Variants in WWOX observed in about 807,000 individuals in gnomAD.
WWOX encodes the protein WW domain-containing oxidoreductase.
WWOX carries 69 observed loss-of-function variants against 46.2 expected under a neutral mutation model. The ratio of observed to expected loss-of-function variants is 1.49; its 90% CI spans 1.23 to 1.82. The LOEUF is 1.82. WWOX is among the 40% of genes most tolerant of loss of function. The probability of loss-of-function intolerance (pLI) is 0.00; values close to 1 mark genes in which losing one functional copy is unlikely to be tolerated. For missense variants in WWOX, 919 were observed against 542.6 expected, an observed-to-expected ratio of 1.69 and a Z score of -6.89; for synonymous variants, 359 against 202.6, an observed-to-expected ratio of 1.77 and a Z score of -6.56.
intron 6 of WWOX, among the ~76,000 whole-genome samples, chr16:78,401,344 G>C (rs1316943340): frequency 6.6e-6 from 1 of 152,170 alleles, no homozygotes; most frequent in Non-Finnish European, 1.5e-5. Flanking sequence ...ATTTCTTAAA[G>C]TAGCTAAAAT....
chr16:78,632,501 A>T (rs1597373818), intron 8 of WWOX, among the ~76,000 whole-genome samples: 2 of 147,330 alleles, frequency 1.4e-5, no homozygotes, highest in South Asian at 4.3e-4. Context: ...TGTTGATAGA[A>T]CCCCTTAGTG....
At chr16:79,190,091 C>T (rs1023819249) in intron 8 of WWOX, among the ~76,000 whole-genome samples, 1 of 151,594 alleles carries the variant, frequency 6.6e-6, no homozygotes, top group Admixed American at 6.6e-5. Flanking sequence ...GCGGTGTGAT[C>T]TCGGCTCACT....
At chr16:78,991,484 C>A (rs2046885435) in intron 8 of WWOX, among the ~76,000 whole-genome samples, 1 of 151,318 alleles carries the variant, frequency 6.6e-6, no homozygotes, top group South Asian at 2.1e-4. Flanking sequence ...ACCTGTAGTC[C>A]CAGCTACTCA....
intron 8 of WWOX, among the ~76,000 whole-genome samples, chr16:78,683,229 A>T (rs772268681): frequency 1.3e-5 from 2 of 152,042 alleles, no homozygotes; most frequent in Non-Finnish European, 2.9e-5. Flanking sequence ...AGAGACAAGG[A>T]GGTGGGCGCG....
chr16:78,889,551 G>T (rs568228378), intron 8 of WWOX, among the ~76,000 whole-genome samples: 97 of 152,206 alleles, frequency 6.4e-4, no homozygotes, highest in African/African-American at 2.2e-3. Context: ...GTATTGGCCT[G>T]TGTCCACTGG....
intron 5 of WWOX, among the ~76,000 whole-genome samples, chr16:78,184,341 G>C (rs1276851828): frequency 6.6e-6 from 1 of 152,064 alleles, no homozygotes. Context: ...CGATTCGCTT[G>C]GTGTTTTCTC....
At chr16:78,596,911 C>A (rs774131803) in intron 8 of WWOX, among the ~76,000 whole-genome samples, 3 of 152,196 alleles carry the variant, frequency 2.0e-5, no homozygotes, top group Admixed American at 6.5e-5. Context: ...GCAAGCCCCA[C>A]ACTCTCTTGA....
intron 4 of WWOX, among the ~76,000 whole-genome samples, chr16:78,151,437 T>C (rs868509782): frequency 1.2e-4 from 19 of 152,170 alleles, no homozygotes; most frequent in Admixed American, 1.2e-3. Flanking sequence ...AATGACACTT[T>C]ATAGGGTTTC....
rs143345622 is a variant in WWOX, at chr16:78,905,009, C to A, written c.1057-306599C>A. Reference sequence around the variant, plus strand: ...ACCTCATCCTATAGTGTTATTATAACTACAGAAAATATATTTTCATTCCTT... The same window carrying A: ...ACCTCATCCTATAGTGTTATTATAAATACAGAAAATATATTTTCATTCCTT... On this transcript the variant is annotated intron_variant, in intron 8 of 8. Coordinates refer to ENST00000566780, the MANE Select transcript of WWOX (RefSeq NM_016373.4). 3.3e-5 allele frequency among the ~76,000 whole-genome samples: 5 copies of A among 152,290 alleles called. No individual in the cohort carries two copies. In the South Asian group the frequency reaches 1.0e-3, roughly 32 times the overall value.
intron 4 of WWOX, among the ~76,000 whole-genome samples, chr16:78,136,300 CAAGG>C (rs1319375532): frequency 6.6e-6 from 1 of 152,166 alleles, no homozygotes; most frequent in African/African-American, 2.4e-5. Context: ...TACAGTGAAA[CAAGG>C]AAGAACGTGT....
intron 8 of WWOX, among the ~76,000 whole-genome samples, chr16:79,155,944 G>A (rs1055501887): frequency 1.6e-4 from 25 of 151,808 alleles, no homozygotes; most frequent in Admixed American, 4.6e-4. Flanking sequence ...TCTAAACATC[G>A]AATGAAGATG....
At chr16:78,883,322 G>A (rs886880574) in intron 8 of WWOX, among the ~76,000 whole-genome samples, 3 of 152,104 alleles carry the variant, frequency 2.0e-5, no homozygotes, top group Admixed American at 1.3e-4. Context: ...AATGCCATCC[G>A]GTGACATCCT....
chr16:78,753,559 G>T (rs1449782930), intron 8 of WWOX, among the ~76,000 whole-genome samples: 1 of 151,694 alleles, frequency 6.6e-6, no homozygotes, highest in African/African-American at 2.4e-5. Context: ...CATCACATTG[G>T]GAGGCCAAGG....
intron 6 of WWOX, among the ~76,000 whole-genome samples, chr16:78,399,096 G>A (rs1243926262): frequency 6.7e-6 from 1 of 150,330 alleles, no homozygotes; most frequent in Non-Finnish European, 1.5e-5. Context: ...GATGGAAGGG[G>A]TGGAAGGGGA....
intron 8 of WWOX, among the ~76,000 whole-genome samples, chr16:79,206,970 G>T (rs1381416820): frequency 6.6e-6 from 1 of 152,168 alleles, no homozygotes; most frequent in Non-Finnish European, 1.5e-5. Context: ...ATGAGAGATT[G>T]AAGCTGTAAT....
chr16:78,902,111 C>T (rs111971548), intron 8 of WWOX, among the ~76,000 whole-genome samples: 13 of 152,306 alleles, frequency 8.5e-5, no homozygotes, highest in African/African-American at 3.1e-4. Flanking sequence ...AGCTGGCAGA[C>T]AGCATCTACA....
chr16:79,068,065 C>T (rs1383754325), intron 8 of WWOX, among the ~76,000 whole-genome samples: 1 of 152,158 alleles, frequency 6.6e-6, no homozygotes, highest in Non-Finnish European at 1.5e-5. Flanking sequence ...CTATTAGCTG[C>T]ATGTACAAGT....
At chr16:78,451,956 T>C (rs2083699960) in intron 8 of WWOX, among the ~76,000 whole-genome samples, 1 of 152,216 alleles carries the variant, frequency 6.6e-6, no homozygotes, top group Admixed American at 6.5e-5. Flanking sequence ...TTCAACACTG[T>C]CTTTTTTCAG....
At chr16:78,770,586 C>G (rs2050039979) in intron 8 of WWOX, among the ~76,000 whole-genome samples, 1 of 152,164 alleles carries the variant, frequency 6.6e-6, no homozygotes, top group Admixed American at 6.5e-5. Flanking sequence ...GGAAGGACGT[C>G]TGTGGGAGGT....
Sources: allele counts gnomAD v4.1 joint callset (sites outside exome capture counted in the v4.1 genomes callset), GRCh38; gene constraint gnomAD v4.1.1; transcripts MANE v1.5; gene names NCBI Gene and HGNC (gene_info 2026-07-23, HGNC 2026-07-21).